Variants in NECTIN2 observed in about 807,000 individuals in gnomAD.
NECTIN2 encodes nectin cell adhesion molecule 2.
A neutral mutation model predicts 56.9 loss-of-function variants in NECTIN2; 23 were observed. The ratio of observed to expected loss-of-function variants is 0.40; its 90% CI spans 0.29 to 0.57. The LOEUF is 0.57. NECTIN2 is among the 20% of genes least tolerant of loss of function. The probability of loss-of-function intolerance (pLI) is 0.38; values close to 1 mark genes in which losing one functional copy is unlikely to be tolerated. For missense variants in NECTIN2, 587 were observed against 718.3 expected, an observed-to-expected ratio of 0.82 and a Z score of 2.09; for synonymous variants, 302 against 313.8, an observed-to-expected ratio of 0.96 and a Z score of 0.40.
chr19:44,871,940 G>T lies in NECTIN2; in HGVS notation c.566G>T (p.Arg189Leu), dbSNP rs777560306. 1 of 1,614,108 alleles carries T rather than the reference G, an allele frequency of 6.2e-7. No individual in the cohort carries two copies. Among genetic ancestry groups the T allele is most frequent in the East Asian group, 2.2e-5 (1 of 44,868 alleles). ...GCCCTCTGCATCTCCAAAGAGGGCCGCCCACCTGCCCGGATCTCCTGGCTC... is the reference window on the plus strand; with the variant it reads ...GCCCTCTGCATCTCCAAAGAGGGCCTCCCACCTGCCCGGATCTCCTGGCTC... ...TVALCISKEG[R>L]PPARISWLSS... is the part of the protein sequence containing the mutation. The change falls in exon 3 of 9, where the codon CGC becomes CTC. Residue 189 changes from arginine (R) to leucine (L), a missense_variant. Transcript: ENST00000252483.
intron 5 of NECTIN2, among the ~76,000 whole-genome samples, chr19:44,880,703 C>T (rs1969298739): frequency 6.7e-6 from 1 of 150,368 alleles, no homozygotes; most frequent in Non-Finnish European, 1.5e-5. Context: ...CTCAAGCGAT[C>T]GATCCTCCCA....
Position 44,882,292 on chromosome 19 carries a change from C to T in NECTIN2, c.1124C>T (p.Ala375Val), listed in dbSNP as rs1417759969. Residue 375 changes from alanine to valine, a missense_variant, in exon 6 of 9, where the codon GCT (alanine) becomes GTT (valine). By Grantham distance (64) the Ala-to-Val change is moderately conservative (BLOSUM62 0). Coordinates refer to ENST00000252483, the MANE Select transcript of NECTIN2 (RefSeq NM_001042724.2). ...GCCGCCATCATTGCTACTGCTGTGG[C>T]TGCCACGGGCATCCTTATCTGCCGG... ...IIAAIIATAV[A>V]ATGILICRQQ... The T allele has an allele frequency of 3.8e-6, 6 of 1,565,222 alleles. No individual in the cohort carries two copies. The highest frequency in any genetic ancestry group is 5.2e-6 in the Non-Finnish European group (6 of 1,155,542).
chr19:44,886,282 C>T, intron 8 of NECTIN2, 63 bp downstream of exon 8: 9 of 1,392,190 alleles, frequency 6.5e-6, no homozygotes, highest in Non-Finnish European at 9.1e-6. Context: ...AGGGGTCAGG[C>T]CTGGCAAAAG....
intron 1 of NECTIN2, among the ~76,000 whole-genome samples, chr19:44,857,714 T>TTG (rs1968983740): frequency 6.7e-6 from 1 of 150,340 alleles, no homozygotes; most frequent in Non-Finnish European, 1.5e-5. Flanking sequence ...TGTTTTTGTT[T>TTG]TTTTTTTTTT....
Position 44,888,397 on chromosome 19 carries a change from G to A in NECTIN2, c.*18G>A, listed in dbSNP as rs114519760. The A allele has an allele frequency of 2.0e-3, 3,263 of 1,602,990 alleles. 25 individuals carry two copies. The African/African-American group carries it at 0.03, about 15-fold the overall frequency. On this transcript the variant is annotated 3_prime_UTR_variant, in exon 9 of 9. Coordinates refer to ENST00000252483, the MANE Select transcript of NECTIN2 (RefSeq NM_001042724.2). ...ATGTGTGAGCTGCCATGCGCCTGGC[G>A]TCTCACATCTCACCTGTTGATCCCT...
intron 3 of NECTIN2, among the ~76,000 whole-genome samples, chr19:44,873,701 A>G (rs1462021667): frequency 3.9e-5 from 6 of 152,156 alleles, no homozygotes; most frequent in Non-Finnish European, 4.4e-5. Flanking sequence ...GCACTGAACA[A>G]TAACTCCCAC....
chr19:44,852,166 T>G (rs1397172997), intron 1 of NECTIN2, among the ~76,000 whole-genome samples: 1 of 151,840 alleles, frequency 6.6e-6, no homozygotes, highest in East Asian at 1.9e-4. Context: ...AAGCTGGCAA[T>G]AGTGTCTCAC....
intron 5 of NECTIN2, chr19:44,878,112 T>A: frequency 4.0e-6 from 2 of 495,842 alleles, no homozygotes. Flanking sequence ...TCCCGCTCCC[T>A]CCATCCCCGC....
chr19:44,881,659 C>A (rs1969309274), intron 5 of NECTIN2, among the ~76,000 whole-genome samples: 1 of 152,160 alleles, frequency 6.6e-6, no homozygotes, highest in Non-Finnish European at 1.5e-5. Context: ...TGCACTCTAG[C>A]CTGGGTGACA....
chr19:44,849,321 G>A (rs1206389411), intron 1 of NECTIN2, among the ~76,000 whole-genome samples: 1 of 152,122 alleles, frequency 6.6e-6, no homozygotes, highest in Non-Finnish European at 1.5e-5. Flanking sequence ...GCAGGGACAG[G>A]AAAAGGAAAG....
Position 44,874,006 on chromosome 19 carries a change from C to T in NECTIN2, c.866C>T (p.Pro289Leu). 6.2e-7 allele frequency: 1 copy of T among 1,613,828 alleles called. No homozygotes were observed. Among genetic ancestry groups the T allele is most frequent in the Non-Finnish European group, 8.5e-7 (1 of 1,179,924 alleles). The part of the protein sequence containing the change: ...ATLSCDVRSN[P>L]EPTGYDWSTT... Reference sequence around the variant, plus strand: ...CTGAGCTGTGACGTCCGCAGCAACCCAGAGCCCACGGGCTATGACTGGAGC... The same window carrying T: ...CTGAGCTGTGACGTCCGCAGCAACCTAGAGCCCACGGGCTATGACTGGAGC... The change falls in exon 4 of 9, where the codon CCA (proline) becomes CTA (leucine). Residue 289 changes from proline (P) to leucine (L), a missense_variant. Transcript: ENST00000252483. This position sits in a 1 kb window ranked among gnomAD's most constrained non-coding sequence, Gnocchi z 6.3.
chr19:44,861,490 G>A (rs768722808), intron 1 of NECTIN2, among the ~76,000 whole-genome samples: 2 of 152,176 alleles, frequency 1.3e-5, no homozygotes, highest in Non-Finnish European at 2.9e-5. Flanking sequence ...TGCAGCAAAA[G>A]CAAACATTGA....
At chr19:44,881,725 C>A (rs191476769) in intron 5 of NECTIN2, among the ~76,000 whole-genome samples, 2 of 152,256 alleles carry the variant, frequency 1.3e-5, no homozygotes, top group East Asian at 3.9e-4. Context: ...TGCAGGGCCG[C>A]TGGCTGTTTG....
chr19:44,882,434 G>A (rs1310614889), intron 6 of NECTIN2, 70 bp downstream of exon 6: 2 of 1,269,646 alleles, frequency 1.6e-6, no homozygotes, highest in African/African-American at 1.6e-5. Context: ...GTAGGGGTGA[G>A]GGTGGGAGAA....
chr19:44,871,842 C>G lies in NECTIN2; in HGVS notation c.479-11C>G. 6.2e-7 allele frequency: 1 copy of G among 1,608,936 alleles called. No individual in the cohort carries two copies. The highest frequency in any genetic ancestry group is 8.5e-7 in the Non-Finnish European group (1 of 1,175,824). On this transcript the variant is annotated splice_polypyrimidine_tract_variant and intron_variant, in intron 2 of 8. Coordinates refer to ENST00000252483, the MANE Select transcript of NECTIN2 (RefSeq NM_001042724.2). ...TGAGGAGTGACGCACCCCCTCTCCT[C>G]CTCTCCCCAGCCAAGCCCAAGAACC... is the stretch of plus-strand genomic sequence containing the variant.
At chr19:44,872,849 AATTATAT>A (rs1195271235) in intron 3 of NECTIN2, among the ~76,000 whole-genome samples, 2 of 147,504 alleles carry the variant, frequency 1.4e-5, no homozygotes, top group Non-Finnish European at 3.0e-5. Context: ...AAAATATATA[AATTATAT>A]ATTATATATT....
At chr19:44,887,214 T>C (rs1599930016) in intron 8 of NECTIN2, among the ~76,000 whole-genome samples, 1 of 151,604 alleles carries the variant, frequency 6.6e-6, no homozygotes, top group East Asian at 1.9e-4. Flanking sequence ...CAGGCATGGG[T>C]GACATGCTCC....
intron 2 of NECTIN2, among the ~76,000 whole-genome samples, chr19:44,866,386 CAG>C (rs1969102227): frequency 1.3e-5 from 2 of 151,870 alleles, no homozygotes; most frequent in Admixed American, 6.6e-5. Context: ...GCCTGGGTGA[CAG>C]AGTGAGGCCC....
At chr19:44,884,970 C>T (rs536063799) in intron 6 of NECTIN2, among the ~76,000 whole-genome samples, 203 of 152,182 alleles carry the variant, frequency 1.3e-3, no homozygotes, top group Non-Finnish European at 2.0e-3. Flanking sequence ...CGACCCAGAT[C>T]TTTCTTTTTT....
Sources: allele counts gnomAD v4.1 joint callset (sites outside exome capture counted in the v4.1 genomes callset), GRCh38; gene constraint gnomAD v4.1.1; non-coding constraint Gnocchi (gnomAD v3.1); transcripts MANE v1.5; gene names NCBI Gene and HGNC (gene_info 2026-07-23, HGNC 2026-07-21).